The following CACNA2D3 variants were observed in gnomAD, a reference collection of about 807,000 sequenced individuals.
The protein encoded by CACNA2D3 is calcium voltage-gated channel auxiliary subunit alpha2delta 3, also known as voltage-dependent calcium channel subunit alpha-2/delta-3.
A neutral mutation model predicts 160.6 loss-of-function variants in CACNA2D3; 60 were observed. That is an observed-to-expected ratio of 0.37 (90% CI 0.30 to 0.46). The LOEUF is 0.46. Ranked by LOEUF, CACNA2D3 falls within the 20% of genes least tolerant of loss-of-function variation. CACNA2D3 has a pLI of 1.00. For missense variants in CACNA2D3, 1,205 were observed against 1,365.0 expected, an observed-to-expected ratio of 0.88 and a Z score of 1.85; for synonymous variants, 558 against 492.9, an observed-to-expected ratio of 1.13 and a Z score of -1.75.
intron 27 of CACNA2D3, among the ~76,000 whole-genome samples, chr3:54,966,745 G>T (rs1702160267): frequency 6.6e-6 from 1 of 152,128 alleles, no homozygotes; most frequent in Non-Finnish European, 1.5e-5. Flanking sequence ...CTTGAACCCG[G>T]GAAGCAGAGG....
In CACNA2D3 at chr3:54,258,367, A is replaced by G. The variant is rs935014629; in HGVS notation, c.205-62075A>G. Among the ~76,000 whole-genome samples, 5 of 152,324 alleles carry G rather than the reference A, an allele frequency of 3.3e-5. No homozygotes were observed. In the East Asian group the frequency reaches 9.6e-4, roughly 29 times the overall value. On this transcript the variant is annotated intron_variant, in intron 2 of 37. Transcript: ENST00000474759. Reference sequence around the variant, plus strand: ...GGTGACCCAAGTAAATGAGAGTCTGAACCCCTGAAGCTTACCTTCTCATGA... The same window carrying G: ...GGTGACCCAAGTAAATGAGAGTCTGGACCCCTGAAGCTTACCTTCTCATGA...
chr3:54,727,679 T>C (rs183006134), intron 11 of CACNA2D3, among the ~76,000 whole-genome samples: 297 of 152,280 alleles, frequency 2.0e-3, no homozygotes, highest in African/African-American at 6.5e-3. Context: ...ACACTGCATG[T>C]TCTCACTCAT....
intron 35 of CACNA2D3, among the ~76,000 whole-genome samples, chr3:55,022,892 T>C (rs1156629599): frequency 6.6e-6 from 1 of 152,092 alleles, no homozygotes; most frequent in Non-Finnish European, 1.5e-5. Flanking sequence ...ACCTTCTAGT[T>C]CTACTGTGTT....
At chr3:54,383,565 G>A (rs1285638295) in intron 3 of CACNA2D3, among the ~76,000 whole-genome samples, 1 of 152,142 alleles carries the variant, frequency 6.6e-6, no homozygotes, top group African/African-American at 2.4e-5. Context: ...CTTCATGGAT[G>A]GAGAAGGAAA....
rs896624990 is a variant in CACNA2D3 at position 54,546,696 on chromosome 3, A to G, written c.545-16104A>G. Among the ~76,000 whole-genome samples the G allele has an allele frequency of 1.4e-4, 14 of 102,464 alleles. No individual in the cohort carries two copies. In the East Asian group the frequency reaches 3.3e-3, roughly 24 times the overall value. 67.2% of individuals were successfully genotyped at this position (102,464 alleles called of 152,430 possible). A position where few individuals can be genotyped will look rare whatever the true frequency, so the allele number is the denominator to read the frequency against. The stretch of plus-strand genomic sequence containing the variant: ...TCATGATTACACCAGAGATCAACAC[A>G]TGCACACACACACGCGCGCACACAC... On this transcript the variant is annotated intron_variant, in intron 5 of 37. Coordinates refer to ENST00000474759, the MANE Select transcript of CACNA2D3 (RefSeq NM_018398.3).
chr3:54,803,143 A>T (rs560760958), intron 13 of CACNA2D3, among the ~76,000 whole-genome samples: 168 of 152,344 alleles, frequency 1.1e-3, no homozygotes, highest in Middle Eastern at 0.01. Context: ...AACTCTAAAA[A>T]GCAGAGCGCC....
At chr3:54,287,200 A>G (rs1428497140) in intron 2 of CACNA2D3, among the ~76,000 whole-genome samples, 1 of 152,204 alleles carries the variant, frequency 6.6e-6, no homozygotes, top group East Asian at 1.9e-4. Flanking sequence ...GTGCAGAGAC[A>G]CACATAGGCT....
intron 12 of CACNA2D3, among the ~76,000 whole-genome samples, chr3:54,763,126 C>G (rs1395783812): frequency 1.3e-5 from 2 of 150,920 alleles, no homozygotes; most frequent in Admixed American, 6.6e-5. Flanking sequence ...ATCATGTCTA[C>G]CCAACATATT....
At chr3:54,458,118 T>G (rs941568055) in intron 4 of CACNA2D3, among the ~76,000 whole-genome samples, 1 of 152,046 alleles carries the variant, frequency 6.6e-6, no homozygotes, top group Non-Finnish European at 1.5e-5. Context: ...TCCTGTCATT[T>G]TGTTAATTGG....
intron 11 of CACNA2D3, among the ~76,000 whole-genome samples, chr3:54,732,533 C>T (rs1701411605): frequency 6.6e-6 from 1 of 152,146 alleles, no homozygotes; most frequent in Non-Finnish European, 1.5e-5. Flanking sequence ...AATAAAATCT[C>T]TTCGTGTCTG....
chr3:54,660,154 T>C (rs1367607064), intron 11 of CACNA2D3, among the ~76,000 whole-genome samples: 2 of 151,632 alleles, frequency 1.3e-5, no homozygotes, highest in African/African-American at 4.8e-5. Context: ...TTTTTTTTTT[T>C]TTCTTTTTAT....
chr3:54,836,594 T>A (rs1575503517), intron 14 of CACNA2D3, among the ~76,000 whole-genome samples: 3 of 152,208 alleles, frequency 2.0e-5, no homozygotes, highest in African/African-American at 7.2e-5. Context: ...AGAAGTCAGA[T>A]AATAAAGTTA....
chr3:54,957,076 G>A (rs570727322), intron 27 of CACNA2D3, among the ~76,000 whole-genome samples: 3 of 152,170 alleles, frequency 2.0e-5, no homozygotes, highest in South Asian at 4.2e-4. Context: ...CATACTAGAG[G>A]GCTTCATAAA....
At chr3:54,247,650 G>C (rs1223827535) in intron 2 of CACNA2D3, among the ~76,000 whole-genome samples, 2 of 152,174 alleles carry the variant, frequency 1.3e-5, no homozygotes, top group Non-Finnish European at 2.9e-5. Context: ...CGCTATTGAA[G>C]ATAGGCAGAG....
intron 31 of CACNA2D3, among the ~76,000 whole-genome samples, chr3:54,990,540 A>G (rs1702716257): frequency 6.6e-6 from 1 of 152,150 alleles, no homozygotes; most frequent in Non-Finnish European, 1.5e-5. Flanking sequence ...CAAACAAAAA[A>G]AAGAAAGAAA....
intron 13 of CACNA2D3, among the ~76,000 whole-genome samples, chr3:54,811,997 A>G (rs1373166548): frequency 1.3e-5 from 2 of 152,214 alleles, no homozygotes; most frequent in Admixed American, 6.5e-5. Flanking sequence ...AATGGTGGAT[A>G]GCATGTCACA....
intron 11 of CACNA2D3, among the ~76,000 whole-genome samples, chr3:54,680,109 G>C (rs1217488918): frequency 6.6e-6 from 1 of 152,132 alleles, no homozygotes; most frequent in Non-Finnish European, 1.5e-5. Flanking sequence ...TGTAGGGCAT[G>C]GTTGGGGGAG....
At chr3:54,626,563 G>A (rs1017054542) in intron 9 of CACNA2D3, 77 of 1,588,226 alleles carry the variant, frequency 4.8e-5, no homozygotes, top group Non-Finnish European at 6.6e-5. Flanking sequence ...CTACCTGGGC[G>A]AGTTCTCCAT....
At chr3:54,429,937 G>A (rs1699964799) in intron 4 of CACNA2D3, among the ~76,000 whole-genome samples, 1 of 152,100 alleles carries the variant, frequency 6.6e-6, no homozygotes, top group South Asian at 2.1e-4. Flanking sequence ...GGGAAGAAAA[G>A]GCTCTAATTC....
Sources: gnomAD v4.1 joint callset for allele counts (sites outside exome capture counted in the v4.1 genomes callset) on GRCh38, gnomAD v4.1.1 for gene constraint, MANE v1.5 for transcripts, NCBI Gene and HGNC (gene_info 2026-07-23, HGNC 2026-07-21) for gene names.